Variants in SPATA22 observed in about 807,000 individuals in gnomAD.
The protein encoded by SPATA22 is spermatogenesis associated 22, also known as spermatogenesis-associated protein 22.
SPATA22 carries 29 observed loss-of-function variants against 47.8 expected under a neutral mutation model. The ratio of observed to expected loss-of-function variants is 0.61; its 90% CI spans 0.45 to 0.83. The LOEUF (loss-of-function observed/expected upper bound fraction) is 0.83. Ranked by LOEUF, SPATA22 falls within the 40% of genes least tolerant of loss-of-function variation. The pLI is 0.00. For synonymous variants in SPATA22, 133 were observed against 140.9 expected, an observed-to-expected ratio of 0.94 and a Z score of 0.40; for missense variants, 410 against 421.7, an observed-to-expected ratio of 0.97 and a Z score of 0.24.
chr17:3,451,219 T>A (rs2072852283), intron 5 of SPATA22, among the ~76,000 whole-genome samples: 1 of 152,098 alleles, frequency 6.6e-6, no homozygotes, highest in Admixed American at 6.5e-5. Flanking sequence ...ACAAAGAAAG[T>A]CATTATATAA....
intron 8 of SPATA22, chr17:3,441,327 A>G (rs1413144803): frequency 1.3e-5 from 2 of 152,048 alleles, no homozygotes; most frequent in African/African-American, 2.4e-5. Context: ...TAGAATCAGT[A>G]AGAAAAAGAC....
Position 3,490,278 on chromosome 17 carries a change from G to A in SPATA22, c.-73-20880C>T, listed in dbSNP as rs1299420957. Among the ~76,000 whole-genome samples, 1 of 152,114 alleles carries A rather than the reference G, an allele frequency of 6.6e-6. No homozygotes were observed. The highest frequency in any genetic ancestry group is 1.5e-5 in the Non-Finnish European group (1 of 68,020). Reference sequence around the variant, plus strand: ...AAAATTAATTAAACGGGGACTGGTGGACAAGGTGGGTATATGCAGCTCTAT... The same window carrying A: ...AAAATTAATTAAACGGGGACTGGTGAACAAGGTGGGTATATGCAGCTCTAT... On this transcript the variant is annotated intron_variant, in intron 1 of 8. Coordinates refer to the SPATA22 transcript ENST00000541913. This position sits in a 1 kb window ranked among gnomAD's most constrained non-coding sequence, Gnocchi z 4.6.
intron 5 of SPATA22, among the ~76,000 whole-genome samples, chr17:3,452,715 T>A (rs937037104): frequency 3.9e-5 from 6 of 151,930 alleles, no homozygotes; most frequent in Non-Finnish European, 8.8e-5. Flanking sequence ...ATACAATGGA[T>A]TTCTCAGAAA....
Position 3,490,639 on chromosome 17 carries a change from A to C in SPATA22, c.-73-21241T>G, listed in dbSNP as rs2073809082. Among the ~76,000 whole-genome samples, 1 of 152,204 alleles carries C rather than the reference A, an allele frequency of 6.6e-6. No homozygotes were observed. The highest frequency in any genetic ancestry group is 2.1e-4 in the South Asian group (1 of 4,830). On this transcript the variant is annotated intron_variant, in intron 1 of 8. Transcript: ENST00000541913. The surrounding 1 kb of genome is among the most constrained non-coding windows in gnomAD (Gnocchi z 4.6). ...ATTTGCTTTTTACCATCTTTGTCTG[A>C]GGGCAGGTTCTATACTGTCTAATGG...
intron 5 of SPATA22, among the ~76,000 whole-genome samples, chr17:3,452,389 C>G (rs971191066): frequency 1.3e-5 from 2 of 151,270 alleles, no homozygotes; most frequent in Admixed American, 6.6e-5. Context: ...GCCAAGAGAT[C>G]GAGACCATCC....
upstream of SPATA22, among the ~76,000 whole-genome samples, chr17:3,473,529 G>A (rs1184849093): frequency 3.9e-5 from 6 of 152,154 alleles, no homozygotes; most frequent in East Asian, 1.9e-4. Context: ...ACGGAGTTTC[G>A]CTCTTGTTCC....
chr17:3,440,170 T>C lies in SPATA22; in HGVS notation c.1069A>G (p.Ile357Val). ...ACTTAAGTTTCATTCATCACATTAA[T>C]ATAATACTGCATCTCAACATCTGCA... Reference protein sequence around the residue: ...KIADVEMQYYINVMNET With the variant: ...KIADVEMQYYVNVMNET Residue 357 changes from isoleucine (I) to valine (V), a missense_variant, in exon 9 of 9, where the codon ATT becomes GTT. Transcript: ENST00000572969. The C allele has an allele frequency of 5.6e-6, 9 of 1,603,994 alleles. No homozygotes were observed. Among genetic ancestry groups the C allele is most frequent in the Non-Finnish European group, 7.7e-6 (9 of 1,175,722 alleles).
At chr17:3,498,775 A>G (rs1214043444) in intron 1 of SPATA22, 75 of 1,051,922 alleles carry the variant, frequency 7.1e-5, no homozygotes, top group Non-Finnish European at 6.5e-6. Flanking sequence ...GCCTCGCTCA[A>G]GTATCTCTTT....
chr17:3,484,506 G>T (rs1042308690), intron 1 of SPATA22, among the ~76,000 whole-genome samples: 1 of 151,140 alleles, frequency 6.6e-6, no homozygotes, highest in African/African-American at 2.5e-5. Context: ...TTGAGGTTGT[G>T]TATGTGTATG....
chr17:3,458,481 C>A (rs2073045972), intron 5 of SPATA22, among the ~76,000 whole-genome samples: 1 of 151,988 alleles, frequency 6.6e-6, no homozygotes, highest in Non-Finnish European at 1.5e-5. Context: ...GGATGTATAT[C>A]CAAAGGAAAT....
Position 3,469,385 on chromosome 17 carries a change from T to A in SPATA22, c.-60A>T. 1 of 1,342,888 alleles carries A rather than the reference T, an allele frequency of 7.4e-7. No individual in the cohort carries two copies. The allele number at this position is 1,342,888 out of a possible 1,614,324, so 83.2% of individuals were successfully genotyped here. A position where few individuals can be genotyped will look rare whatever the true frequency, so the allele number is the denominator to read the frequency against. On this transcript the variant is annotated 5_prime_UTR_variant, in exon 2 of 9. The change abolishes an upstream ATG in the 5' untranslated region. Transcript: ENST00000572969. Reference sequence around the variant, plus strand: ...AGCATTCCAAATTTATAATATGACATTGTCCCACTAGACCTGCAAAGAAAG... The same window carrying A: ...AGCATTCCAAATTTATAATATGACAATGTCCCACTAGACCTGCAAAGAAAG...
chr17:3,468,582 C>T (rs377150665), intron 2 of SPATA22, among the ~76,000 whole-genome samples: 18 of 152,188 alleles, frequency 1.2e-4, no homozygotes, highest in African/African-American at 3.9e-4. Flanking sequence ...TCCCTAAACT[C>T]TTTGTGCCAA....
chr17:3,451,139 C>T (rs1255422132), intron 5 of SPATA22, among the ~76,000 whole-genome samples: 2 of 151,804 alleles, frequency 1.3e-5, no homozygotes, highest in Non-Finnish European at 2.9e-5. Context: ...AAACAGCAAC[C>T]AAAAGAAAAC....
At chr17:3,456,544 A>T (rs144225575) in intron 5 of SPATA22, among the ~76,000 whole-genome samples, 4,750 of 152,136 alleles carry the variant, frequency 0.031, 128 homozygotes, top group South Asian at 0.078. Context: ...GCTGAAATTG[A>T]GGCAATAATC....
rs2073151995 is a variant in SPATA22 at position 3,462,651 on chromosome 17, GAAC to G, written c.233+53_233+55del. ...TTGAGAAATTAAGATATACGTAGAA[GAAC>G]AACATCAGTTAGTAACAGACACACA... On this transcript the variant is annotated intron_variant, in intron 4 of 8. Coordinates refer to ENST00000572969, the MANE Select transcript of SPATA22 (RefSeq NM_001170698.2). The G allele has an allele frequency of 4.5e-6, 7 of 1,572,088 alleles. No homozygotes were observed. In the South Asian group the frequency reaches 6.7e-5, roughly 15 times the overall value.
intron 1 of SPATA22, among the ~76,000 whole-genome samples, chr17:3,493,813 T>C (rs1284698982): frequency 6.6e-6 from 1 of 152,088 alleles, no homozygotes; most frequent in Non-Finnish European, 1.5e-5. Flanking sequence ...AGATTCTTTT[T>C]CTCTCAAACT....
intron 1 of SPATA22, among the ~76,000 whole-genome samples, chr17:3,492,601 A>G (rs886737181): frequency 8.5e-5 from 13 of 152,218 alleles, no homozygotes; most frequent in African/African-American, 2.9e-4. Context: ...AGGCTTGAAA[A>G]GCACTTGCAC....
chr17:3,486,820 G>GC (rs965785772), intron 1 of SPATA22, among the ~76,000 whole-genome samples: 4 of 152,140 alleles, frequency 2.6e-5, no homozygotes, highest in African/African-American at 9.7e-5. Flanking sequence ...ATCTTTATAT[G>GC]CCATCTTTGG....
intron 1 of SPATA22, chr17:3,513,212 T>C (rs1440577234): frequency 1.3e-5 from 2 of 152,686 alleles, no homozygotes; most frequent in African/African-American, 4.8e-5. Flanking sequence ...ATTTTCATTC[T>C]CAACTGAAAT....
Sources: gnomAD v4.1 joint callset for allele counts (sites outside exome capture counted in the v4.1 genomes callset) on GRCh38, gnomAD v4.1.1 for gene constraint, Gnocchi (gnomAD v3.1) non-coding constraint, MANE v1.5 for transcripts, NCBI Gene and HGNC (gene_info 2026-07-23, HGNC 2026-07-21) for gene names.